GAB1: variants seen among roughly 807,000 people sequenced by gnomAD.
GAB1 encodes the protein GRB2-associated-binding protein 1.
Under a neutral mutation model 66.5 loss-of-function variants are expected in GAB1, and 19 were observed. The ratio of observed to expected loss-of-function variants is 0.29; its 90% confidence interval spans 0.20 to 0.42. The LOEUF (loss-of-function observed/expected upper bound fraction) is 0.42. Ranked by LOEUF, GAB1 falls within the 10% of genes least tolerant of loss-of-function variation. GAB1 has a pLI of 1.00. For missense variants in GAB1, 732 were observed against 858.5 expected (o/e 0.85, Z 1.84); for synonymous variants, 294 against 301.4 (o/e 0.98, Z 0.25).
intron 1 of GAB1, among the ~76,000 whole-genome samples, chr4:143,410,973 C>T (rs1242971047): frequency 6.6e-6 from 1 of 152,190 alleles, no homozygotes; most frequent in Non-Finnish European, 1.5e-5. Context: ...AAATGGAGAG[C>T]TCAGAGCCAA....
At chr4:143,385,053 G>A (rs1035743100) in intron 1 of GAB1, among the ~76,000 whole-genome samples, 12 of 152,092 alleles carry the variant, frequency 7.9e-5, no homozygotes, top group African/African-American at 1.9e-4. Flanking sequence ...GTTGATTTGG[G>A]GAAATGAACA....
At chr4:143,407,001 T>C (rs1253810606) in intron 1 of GAB1, among the ~76,000 whole-genome samples, 1 of 152,192 alleles carries the variant, frequency 6.6e-6, no homozygotes, top group East Asian at 1.9e-4. Context: ...TAAATAAATT[T>C]ACCTAATTGG....
chr4:143,437,396 C>T (rs1733992768), intron 3 of GAB1, among the ~76,000 whole-genome samples: 1 of 152,148 alleles, frequency 6.6e-6, no homozygotes, highest in South Asian at 2.1e-4. Context: ...AACTCTGTAT[C>T]ACGTATTTCG....
chr4:143,440,554 A>G (rs927060532), intron 6 of GAB1, among the ~76,000 whole-genome samples, 172 bp downstream of exon 6: 5 of 152,232 alleles, frequency 3.3e-5, no homozygotes, highest in Non-Finnish European at 7.3e-5. Flanking sequence ...ATTAACAATT[A>G]TGATATCACA....
At chr4:143,455,525 A>G (rs543320791) in intron 6 of GAB1, among the ~76,000 whole-genome samples, 2 of 152,350 alleles carry the variant, frequency 1.3e-5, no homozygotes, top group Admixed American at 1.3e-4. Flanking sequence ...CTGGAGAGCT[A>G]ATGAAAACGG....
At chr4:143,364,047 G>A (rs28989215) in intron 1 of GAB1, among the ~76,000 whole-genome samples, 11,181 of 152,154 alleles carry the variant, frequency 0.073, 635 homozygotes, top group African/African-American at 0.16. Context: ...AATTAGCCGG[G>A]CATGGTGGCA....
chr4:143,470,586 T>G lies in GAB1; in HGVS notation c.*1397T>G, dbSNP rs1736028047. On this transcript the variant is annotated 3_prime_UTR_variant, in exon 10 of 10. Transcript: ENST00000262994. ...GAGGCTACAATTATATTCGTCTGTC[T>G]TGGCTTTGCAACATAATTTAGAAAG... 6.6e-6 allele frequency: 1 copy of G among 152,272 alleles called. No homozygotes were observed. Among genetic ancestry groups the G allele is most frequent in the Non-Finnish European group, 1.5e-5 (1 of 68,048 alleles). 9.4% of individuals were successfully genotyped at this position (152,272 alleles called of 1,614,324 possible). A position where few individuals can be genotyped will look rare whatever the true frequency, so the allele number is the denominator to read the frequency against.
At chr4:143,441,212 G>A (rs1165325466) in intron 6 of GAB1, among the ~76,000 whole-genome samples, 1 of 152,048 alleles carries the variant, frequency 6.6e-6, no homozygotes, top group Non-Finnish European at 1.5e-5. Context: ...TTTTAAATTG[G>A]GGTTTAAGTT....
intron 1 of GAB1, among the ~76,000 whole-genome samples, chr4:143,392,511 C>T (rs948631500): frequency 3.9e-5 from 6 of 152,218 alleles, no homozygotes; most frequent in Middle Eastern, 6.8e-3. Context: ...CCAAAACTTA[C>T]TTCAAAAGTT....
At chr4:143,406,604 C>T (rs1732056266) in intron 1 of GAB1, among the ~76,000 whole-genome samples, 2 of 152,216 alleles carry the variant, frequency 1.3e-5, no homozygotes, top group Admixed American at 6.5e-5. Flanking sequence ...TTTTCCTCTG[C>T]CCACATCCTG....
At chr4:143,417,538 G>C (rs1437888702) in intron 2 of GAB1, 1 of 309,244 alleles carries the variant, frequency 3.2e-6, no homozygotes, top group African/African-American at 2.3e-5. Context: ...CTTCTGAGTA[G>C]CTGGAATTAC....
At chr4:143,376,824 C>G (rs1171209070) in intron 1 of GAB1, 1 of 152,154 alleles carries the variant, frequency 6.6e-6, no homozygotes, top group Non-Finnish European at 1.5e-5. Flanking sequence ...TGTACTTCAT[C>G]AAAAATTATA....
At chr4:143,393,231 A>T (rs28532414) in intron 1 of GAB1, among the ~76,000 whole-genome samples, 7,174 of 135,170 alleles carry the variant, frequency 0.053, 233 homozygotes, top group African/African-American at 0.1. Context: ...TTTTTTTTTT[A>T]AAAAAAAAAA....
intron 1 of GAB1, among the ~76,000 whole-genome samples, chr4:143,413,759 G>A (rs957770796): frequency 6.9e-6 from 1 of 144,738 alleles, no homozygotes; most frequent in Non-Finnish European, 1.5e-5. Context: ...CAAAGGGAAT[G>A]TTTTATTCCA....
At chr4:143,397,610 C>T (rs28925868) in intron 1 of GAB1, among the ~76,000 whole-genome samples, 27 of 152,224 alleles carry the variant, frequency 1.8e-4, no homozygotes, top group Admixed American at 1.7e-3. Context: ...GATGTCATTA[C>T]CTAAATATAG....
At chr4:143,421,057 C>A (rs913607262) in intron 2 of GAB1, among the ~76,000 whole-genome samples, 4 of 152,024 alleles carry the variant, frequency 2.6e-5, no homozygotes, top group Non-Finnish European at 4.4e-5. Context: ...CTCTTCCCCT[C>A]CCCTAGAAAG....
At chr4:143,441,804 TG>T (rs1011804070) in intron 6 of GAB1, among the ~76,000 whole-genome samples, 4 of 152,362 alleles carry the variant, frequency 2.6e-5, no homozygotes, top group Admixed American at 2.6e-4. Context: ...TCCCCTTCTA[TG>T]GCCTCAGTTC....
At chr4:143,405,441 G>T (rs1295838324) in intron 1 of GAB1, among the ~76,000 whole-genome samples, 2 of 152,076 alleles carry the variant, frequency 1.3e-5, no homozygotes, top group Non-Finnish European at 1.5e-5. Context: ...TGAGCCTTGT[G>T]GGCTGGAGAT....
intron 1 of GAB1, chr4:143,394,981 A>C (rs187766380): frequency 1.4e-4 from 21 of 152,288 alleles, no homozygotes; most frequent in Non-Finnish European, 2.8e-4. Context: ...TTGAGAGGAC[A>C]AGATTGCAGG....
Sources: allele counts gnomAD v4.1 joint callset (sites outside exome capture counted in the v4.1 genomes callset), GRCh38; gene constraint gnomAD v4.1.1; transcripts MANE v1.5; gene names NCBI Gene and HGNC (gene_info 2026-07-23, HGNC 2026-07-21).